The following BRINP3 variants were observed in gnomAD, a reference collection of about 807,000 sequenced individuals.
BRINP3 encodes BMP/retinoic acid inducible neural specific 3, also known as BMP/retinoic acid-inducible neural-specific protein 3.
A neutral mutation model predicts 71.0 loss-of-function variants in BRINP3; 19 were observed. The ratio of observed to expected loss-of-function variants is 0.27; its 90% CI spans 0.19 to 0.39. The LOEUF is 0.39. BRINP3 is among the 10% of genes least tolerant of loss of function. BRINP3 has a pLI of 1.00. For missense variants in BRINP3, 959 were observed against 940.8 expected, an observed-to-expected ratio of 1.02 and a Z score of -0.25; for synonymous variants, 380 against 337.7, an observed-to-expected ratio of 1.13 and a Z score of -1.37.
intron 2 of BRINP3, among the ~76,000 whole-genome samples, chr1:190,364,092 T>G (rs1489816842): frequency 2.0e-5 from 3 of 152,144 alleles, no homozygotes; most frequent in Non-Finnish European, 4.4e-5. Context: ...CTGATAAAAT[T>G]TTCAAGATAT....
At chr1:190,378,861 G>A (rs898155220) in intron 2 of BRINP3, among the ~76,000 whole-genome samples, 5 of 152,062 alleles carry the variant, frequency 3.3e-5, no homozygotes, top group Admixed American at 1.3e-4. Context: ...GAGTGTGTGC[G>A]GCATCTATCT....
intron 3 of BRINP3, among the ~76,000 whole-genome samples, chr1:190,276,155 A>G (rs1662534219): frequency 6.6e-6 from 1 of 151,646 alleles, no homozygotes; most frequent in South Asian, 2.1e-4. Flanking sequence ...AAAACAATAT[A>G]TATTCTGAGA....
intron 2 of BRINP3, among the ~76,000 whole-genome samples, chr1:190,451,641 C>A (rs1299488350): frequency 6.6e-6 from 1 of 151,986 alleles, no homozygotes; most frequent in African/African-American, 2.4e-5. Flanking sequence ...AATTAATAAT[C>A]TTTTAAGTCT....
chr1:190,294,967 C>T (rs1406674752), intron 2 of BRINP3, among the ~76,000 whole-genome samples: 1 of 151,836 alleles, frequency 6.6e-6, no homozygotes, highest in Non-Finnish European at 1.5e-5. Context: ...TCCCACTTTC[C>T]CTCAAGCAGA....
At chr1:190,100,760 C>A (rs538168178) in intron 7 of BRINP3, among the ~76,000 whole-genome samples, 1 of 152,210 alleles carries the variant, frequency 6.6e-6, no homozygotes, top group East Asian at 1.9e-4. Context: ...CTAAGCCAAC[C>A]ATAAAACATT....
intron 2 of BRINP3, among the ~76,000 whole-genome samples, chr1:190,436,137 C>T (rs1213076282): frequency 1.3e-5 from 2 of 151,692 alleles, no homozygotes; most frequent in Non-Finnish European, 3.0e-5. Flanking sequence ...TTTTGCCCTG[C>T]TTATTTCATG....
chr1:190,336,046 A>G (rs1056510137), intron 2 of BRINP3, among the ~76,000 whole-genome samples: 4 of 152,134 alleles, frequency 2.6e-5, no homozygotes, highest in Admixed American at 2.6e-4. Flanking sequence ...ACCATGTGAT[A>G]TATATTAAGG....
intron 2 of BRINP3, among the ~76,000 whole-genome samples, chr1:190,383,505 C>T (rs1670683632): frequency 6.6e-6 from 1 of 152,010 alleles, no homozygotes; most frequent in Admixed American, 6.6e-5. Flanking sequence ...CTATAAGTTA[C>T]TCATATGAGA....
intron 6 of BRINP3, among the ~76,000 whole-genome samples, chr1:190,176,942 A>T (rs1351423465): frequency 6.6e-6 from 1 of 152,126 alleles, no homozygotes; most frequent in Non-Finnish European, 1.5e-5. Context: ...TTAGTCATCA[A>T]CCCAAAACAC....
chr1:190,176,476 C>T (rs1324045468), intron 6 of BRINP3, among the ~76,000 whole-genome samples: 2 of 152,126 alleles, frequency 1.3e-5, no homozygotes, highest in African/African-American at 4.8e-5. Context: ...TAGTAGCCAT[C>T]CTGAAACCCT....
intron 2 of BRINP3, among the ~76,000 whole-genome samples, chr1:190,390,021 GA>G (rs1245416014): frequency 6.6e-6 from 1 of 151,786 alleles, no homozygotes; most frequent in South Asian, 2.1e-4. Context: ...GTAAACTGAT[GA>G]GACTTTTCCT....
At chr1:190,387,419 C>T (rs1341924123) in intron 2 of BRINP3, among the ~76,000 whole-genome samples, 1 of 151,850 alleles carries the variant, frequency 6.6e-6, no homozygotes. Context: ...GTGTGTTTAT[C>T]ATGGGAACTG....
At chr1:190,274,034 T>A (rs1391056467) in intron 3 of BRINP3, among the ~76,000 whole-genome samples, 1 of 151,608 alleles carries the variant, frequency 6.6e-6, no homozygotes, top group Non-Finnish European at 1.5e-5. Context: ...GAAATGCAAG[T>A]GAGCCAGATG....
intron 2 of BRINP3, among the ~76,000 whole-genome samples, chr1:190,430,788 A>G (rs1156923565): frequency 1.3e-5 from 2 of 152,186 alleles, no homozygotes; most frequent in Non-Finnish European, 2.9e-5. Flanking sequence ...CAAAAACCAT[A>G]ATTTAGCTTT....
chr1:190,301,018 G>T (rs908111596), intron 2 of BRINP3, among the ~76,000 whole-genome samples: 40 of 151,372 alleles, frequency 2.6e-4, no homozygotes, highest in African/African-American at 9.0e-4. Flanking sequence ...CAAAGAAGTT[G>T]AAAACTTTGA....
chr1:190,111,075 G>A (rs1652628244), intron 7 of BRINP3, among the ~76,000 whole-genome samples: 1 of 151,088 alleles, frequency 6.6e-6, no homozygotes, highest in Non-Finnish European at 1.5e-5. Context: ...CTACTCAGGA[G>A]GCTGAGGCAG....
chr1:190,420,125 G>T (rs372149319), intron 2 of BRINP3, among the ~76,000 whole-genome samples: 1 of 151,988 alleles, frequency 6.6e-6, no homozygotes, highest in Non-Finnish European at 1.5e-5. Flanking sequence ...AAGAAGGAGC[G>T]TGTATTAGTG....
At chr1:190,324,352 A>T (rs960100873) in intron 2 of BRINP3, among the ~76,000 whole-genome samples, 1 of 151,940 alleles carries the variant, frequency 6.6e-6, no homozygotes, top group Non-Finnish European at 1.5e-5. Flanking sequence ...CCTGTCTCCA[A>T]TACATAAAGC....
chr1:190,292,800 T>C (rs1198734148), intron 2 of BRINP3, among the ~76,000 whole-genome samples: 1 of 152,152 alleles, frequency 6.6e-6, no homozygotes, highest in East Asian at 1.9e-4. Flanking sequence ...TCCAAGAATG[T>C]ATCCATTTTT....
Sources: allele counts gnomAD v4.1 joint callset (sites outside exome capture counted in the v4.1 genomes callset), GRCh38; gene constraint gnomAD v4.1.1; transcripts MANE v1.5; gene names NCBI Gene and HGNC (gene_info 2026-07-23, HGNC 2026-07-21).